Variants in ULK2 observed in about 807,000 individuals in gnomAD.
The protein encoded by ULK2 is unc-51 like autophagy activating kinase 2, also known as serine/threonine-protein kinase ULK2.
ULK2 carries 76 observed loss-of-function variants against 127.5 expected under a neutral mutation model. The ratio of observed to expected loss-of-function variants is 0.60; its 90% CI spans 0.50 to 0.72. The LOEUF is 0.72. Ranked by LOEUF, ULK2 falls within the 30% of genes least tolerant of loss-of-function variation. The pLI is 0.00. For synonymous variants in ULK2, 452 were observed against 461.9 expected, an observed-to-expected ratio of 0.98 and a Z score of 0.28; for missense variants, 1,144 against 1,295.9, an observed-to-expected ratio of 0.88 and a Z score of 1.80.
intron 17 of ULK2, 113 bp downstream of exon 17, chr17:19,799,382 G>T: frequency 1.1e-6 from 1 of 877,696 alleles, no homozygotes; most frequent in Non-Finnish European, 1.6e-6. Flanking sequence ...AAATCAGGAT[G>T]GCAGAGGAGA....
At chr17:19,804,537 C>A (rs562596994) in intron 15 of ULK2, among the ~76,000 whole-genome samples, 156 bp downstream of exon 15, 1 of 152,038 alleles carries the variant, frequency 6.6e-6, no homozygotes, top group South Asian at 2.1e-4. Flanking sequence ...CATTTAAATT[C>A]ATCAATTATA....
chr17:19,772,136 T>C lies in ULK2; in HGVS notation c.*4213A>G, dbSNP rs1410321137. ...CTCTGCTGGGCCACTCTGTGAGAGG[T>C]CACGCTGGCAGCAAGATCTCAGCCT... On this transcript the variant is annotated 3_prime_UTR_variant, in exon 27 of 27. Transcript: ENST00000395544. 1 of 152,274 alleles carries C rather than the reference T, an allele frequency of 6.6e-6. No individual in the cohort carries two copies. Among genetic ancestry groups the C allele is most frequent in the African/African-American group, 2.4e-5 (1 of 41,432 alleles). 9.4% of individuals were successfully genotyped at this position (152,274 alleles called of 1,614,324 possible). A position where few individuals can be genotyped will look rare whatever the true frequency, so the allele number is the denominator to read the frequency against.
At chr17:19,797,240 T>A (rs1294879129) in intron 18 of ULK2, among the ~76,000 whole-genome samples, 156 bp downstream of exon 18, 2 of 152,174 alleles carry the variant, frequency 1.3e-5, no homozygotes, top group African/African-American at 4.8e-5. Flanking sequence ...GAGGTTGTGA[T>A]GAGCTGAGGT....
rs373298528 is a variant in ULK2 at position 19,836,283 on chromosome 17, C to T, written c.787+2218G>A. On this transcript the variant is annotated intron_variant, in intron 10 of 26. Transcript: ENST00000395544. ...AATTAGCCGGGCATAGTGGCATGTGCCTGTAATCCCAGTTACTCAGAAGGC... is the reference window on the plus strand; with the variant it reads ...AATTAGCCGGGCATAGTGGCATGTGTCTGTAATCCCAGTTACTCAGAAGGC... 6.6e-5 allele frequency among the ~76,000 whole-genome samples: 10 copies of T among 152,228 alleles called. No homozygotes were observed. In the East Asian group the frequency reaches 1.7e-3, roughly 27 times the overall value.
chr17:19,825,237 T>C (rs2152392793), intron 11 of ULK2, 55 bp from the exon 12 acceptor site: 2 of 1,499,456 alleles, frequency 1.3e-6, no homozygotes, highest in Non-Finnish European at 1.8e-6. Flanking sequence ...TCACATGACC[T>C]GTATAACAGA....
At chr17:19,838,618 T>TA (rs2041656174) in intron 9 of ULK2, 35 bp from the exon 10 acceptor site, 1 of 1,557,386 alleles carries the variant, frequency 6.4e-7, no homozygotes, top group South Asian at 1.1e-5. Flanking sequence ...ACCTAAGTGA[T>TA]AAGTTTATAT....
chr17:19,863,963 T>C (rs192082167), intron 3 of ULK2, among the ~76,000 whole-genome samples: 2 of 152,272 alleles, frequency 1.3e-5, no homozygotes, highest in African/African-American at 4.8e-5. Context: ...GTTTTTAATT[T>C]ATTTTCTAAT....
chr17:19,770,858 A>T lies in ULK2; in HGVS notation c.*5491T>A, dbSNP rs1177241935. 2 of 152,184 alleles carry T rather than the reference A, an allele frequency of 1.3e-5. No individual in the cohort carries two copies. The highest frequency in any genetic ancestry group is 2.9e-5 in the Non-Finnish European group (2 of 68,038). 9.4% of individuals were successfully genotyped at this position (152,184 alleles called of 1,614,324 possible). ...GTCGATCAAATGCTTGAGTTTATTAACATGTCTCCCAAGTCTTTTTTACTG... is the reference window on the plus strand; with the variant it reads ...GTCGATCAAATGCTTGAGTTTATTATCATGTCTCCCAAGTCTTTTTTACTG... On this transcript the variant is annotated 3_prime_UTR_variant, in exon 27 of 27. Transcript: ENST00000395544.
Position 19,828,329 on chromosome 17 carries a change from C to T in ULK2, c.788-2143G>A, listed in dbSNP as rs184276045. Among the ~76,000 whole-genome samples, 429 of 152,182 alleles carry T rather than the reference C, an allele frequency of 2.8e-3. 1 individual carries two copies. The highest frequency in any genetic ancestry group is 0.01 in the African/African-American group (418 of 41,512). ...AGCCACATGAAGACATGAAGATCTC[C>T]GGAAAAGATAAATGCACTGGCAATT... On this transcript the variant is annotated intron_variant, in intron 10 of 26. Transcript: ENST00000395544.
At chr17:19,852,518 CAA>C (rs1241027121) in intron 3 of ULK2, among the ~76,000 whole-genome samples, 13 of 54,384 alleles carry the variant, frequency 2.4e-4, no homozygotes, top group Non-Finnish European at 2.5e-4. Flanking sequence ...GACTCCATCT[CAA>C]AAAAAAAAAA....
intron 20 of ULK2, among the ~76,000 whole-genome samples, chr17:19,788,655 C>T (rs2087087215): frequency 6.6e-6 from 1 of 152,092 alleles, no homozygotes; most frequent in Non-Finnish European, 1.5e-5. Flanking sequence ...GAGCACCAAG[C>T]AGGCTCTTGG....
At chr17:19,810,337 A>G in intron 14 of ULK2, 41 bp downstream of exon 14, 1 of 1,340,356 alleles carries the variant, frequency 7.5e-7, no homozygotes, top group Non-Finnish European at 1.0e-6. Context: ...CAAAAATAAA[A>G]TATAAAACAA....
At chr17:19,778,886 G>A (rs1286822895) in intron 25 of ULK2, among the ~76,000 whole-genome samples, 2 of 152,162 alleles carry the variant, frequency 1.3e-5, no homozygotes, top group African/African-American at 2.4e-5. Flanking sequence ...AGCTCACTAA[G>A]CAGCCAGGAC....
At chr17:19,790,109 T>C (rs1294777592) in intron 20 of ULK2, among the ~76,000 whole-genome samples, 2 of 152,168 alleles carry the variant, frequency 1.3e-5, no homozygotes, top group Non-Finnish European at 2.9e-5. Flanking sequence ...CAATCAGTGT[T>C]GTCATCACTT....
At position 19,867,423 on chromosome 17, in the gene ULK2, C is replaced by A; in HGVS notation, c.-6G>T. The A allele has an allele frequency of 1.3e-6, 2 of 1,588,974 alleles. No homozygotes were observed. The highest frequency in any genetic ancestry group is 1.7e-6 in the Non-Finnish European group (2 of 1,169,918). Reference sequence around the variant, plus strand: ...AAGTCACCCACCACCTCCATGGCCGCGCCCCCGGGGCACACAGCGGACGGG... The same window carrying A: ...AAGTCACCCACCACCTCCATGGCCGAGCCCCCGGGGCACACAGCGGACGGG... On this transcript the variant is annotated 5_prime_UTR_variant, in exon 1 of 27. Coordinates refer to ENST00000395544, the MANE Select transcript of ULK2 (RefSeq NM_014683.4).
chr17:19,840,175 C>A, intron 9 of ULK2: 1 of 480,196 alleles, frequency 2.1e-6, no homozygotes. Context: ...GTGCCCCCGA[C>A]CCTCAACCCA....
chr17:19,841,326 G>A (rs2041749460), intron 9 of ULK2, among the ~76,000 whole-genome samples, 163 bp downstream of exon 9: 1 of 152,072 alleles, frequency 6.6e-6, no homozygotes, highest in Non-Finnish European at 1.5e-5. Flanking sequence ...GCACTACACA[G>A]ACACCTATGA....
chr17:19,804,646 T>G, intron 15 of ULK2, 47 bp downstream of exon 15: 1 of 1,532,518 alleles, frequency 6.5e-7, no homozygotes, highest in Non-Finnish European at 8.8e-7. Flanking sequence ...AAATTTTTTT[T>G]AAAGGAGATG....
chr17:19,863,523 C>T (rs1227890292), intron 3 of ULK2, among the ~76,000 whole-genome samples: 1 of 143,236 alleles, frequency 7.0e-6, no homozygotes, highest in Non-Finnish European at 1.5e-5. Flanking sequence ...TTTTAAGAGA[C>T]GATCTTGCTC....
Sources: gnomAD v4.1 joint callset for allele counts (sites outside exome capture counted in the v4.1 genomes callset) on GRCh38, gnomAD v4.1.1 for gene constraint, MANE v1.5 for transcripts, NCBI Gene and HGNC (gene_info 2026-07-23, HGNC 2026-07-21) for gene names.